Variants in FUT9 observed in about 807,000 individuals in gnomAD.
FUT9 encodes the protein fucosyltransferase 9.
In FUT9, 15 loss-of-function variants were observed where a neutral mutation model predicts 29.7. That is an observed-to-expected ratio of 0.51 (90% CI 0.34 to 0.78). The LOEUF is 0.78. Ranked by LOEUF, FUT9 falls within the 30% of genes least tolerant of loss-of-function variation. The pLI is 0.01. For missense variants in FUT9, 319 were observed against 425.4 expected (o/e 0.75, Z 2.20); for synonymous variants, 169 against 153.7 (o/e 1.10, Z -0.74).
chr6:96,204,227 T>C lies in FUT9; in HGVS notation c.1072T>C (p.Trp358Arg). ...TGTTGGTAATTTAGAGAAATGGTTTTGGAATTAAAATTTTTCATCACTTGC... is the reference window on the plus strand; with the variant it reads ...TGTTGGTAATTTAGAGAAATGGTTTCGGAATTAAAATTTTTCATCACTTGC... ...KSVGNLEKWF[W>R]N The change falls in exon 3 of 3, where the codon TGG becomes CGG. Residue 358 changes from tryptophan to arginine, a missense_variant. Trp to Arg is a moderately radical substitution (Grantham distance 101). Coordinates refer to ENST00000302103, the MANE Select transcript of FUT9 (RefSeq NM_006581.4). 1 of 1,443,860 alleles carries C rather than the reference T, an allele frequency of 6.9e-7. No individual in the cohort carries two copies. Among genetic ancestry groups the C allele is most frequent in the Non-Finnish European group, 9.1e-7 (1 of 1,095,216 alleles). The allele number at this position is 1,443,860 out of a possible 1,614,324, so 89.4% of individuals were successfully genotyped here.
In FUT9 at chr6:96,205,870, C is replaced by T. The variant is rs1296800666; in HGVS notation, c.*1635C>T. ...CCAGACTATCTTGTGAGAGAATAAG[C>T]TCACCCCAGCACCAGAAAGATTTGA... On this transcript the variant is annotated 3_prime_UTR_variant, in exon 3 of 3. Transcript: ENST00000302103. 6.0e-6 allele frequency: 1 copy of T among 166,894 alleles called. No homozygotes were observed. Among genetic ancestry groups the T allele is most frequent in the African/African-American group, 2.4e-5 (1 of 41,394 alleles). 10.3% of individuals were successfully genotyped at this position (166,894 alleles called of 1,614,324 possible).
At chr6:96,165,408 G>A (rs1228421582) in intron 2 of FUT9, among the ~76,000 whole-genome samples, 2 of 148,776 alleles carry the variant, frequency 1.3e-5, no homozygotes, top group Non-Finnish European at 3.0e-5. Context: ...TCCAGCCTGG[G>A]TGACAGAGCG....
At position 96,046,243 on chromosome 6, in the gene FUT9, A is replaced by ACACACC. The variant is rs1165068661; in HGVS notation, c.-98+30032_-98+30033insACACCC. ...TATGCACACACACACACACACACAC[A>ACACACC]CCCCTGAAGCAATCATTTTATGAAA... On this transcript the variant is annotated intron_variant, in intron 1 of 2. Transcript: ENST00000302103. 6.1e-5 allele frequency among the ~76,000 whole-genome samples: 9 copies of ACACACC among 148,504 alleles called. No individual in the cohort carries two copies. In the East Asian group the frequency reaches 8.0e-4, roughly 13 times the overall value.
rs948720329 is a variant in FUT9, at chr6:96,062,366, C to T, written c.-98+46154C>T. Among the ~76,000 whole-genome samples the T allele has an allele frequency of 9.2e-5, 14 of 151,818 alleles. 1 individual carries two copies. Among genetic ancestry groups the T allele is most frequent in the Admixed American group, 5.2e-4 (8 of 15,264 alleles). ...TAGCTGAGAGTCAACCAATGATATT[C>T]AAGTTGATAAACCAAGAAAATATCA... On this transcript the variant is annotated intron_variant, in intron 1 of 2. Coordinates refer to ENST00000302103, the MANE Select transcript of FUT9 (RefSeq NM_006581.4).
chr6:96,164,254 T>TC, intron 2 of FUT9, among the ~76,000 whole-genome samples: 1 of 2,320 alleles, frequency 4.3e-4, no homozygotes, highest in Non-Finnish European at 1.2e-3. Flanking sequence ...ATCCAGGTTC[T>TC]TTTTTTTTTT....
At chr6:96,067,076 A>G (rs1433495363) in intron 1 of FUT9, among the ~76,000 whole-genome samples, 1 of 151,710 alleles carries the variant, frequency 6.6e-6, no homozygotes, top group African/African-American at 2.4e-5. Flanking sequence ...ATATAGATCA[A>G]TAAGGCATGA....
At chr6:96,077,442 T>C (rs934560611) in intron 1 of FUT9, among the ~76,000 whole-genome samples, 12 of 152,196 alleles carry the variant, frequency 7.9e-5, no homozygotes, top group Non-Finnish European at 1.3e-4. Flanking sequence ...TGTTCCTATT[T>C]TTCCATAGTT....
chr6:96,102,314 C>T (rs1771601840), intron 1 of FUT9, among the ~76,000 whole-genome samples: 1 of 151,838 alleles, frequency 6.6e-6, no homozygotes, highest in Admixed American at 6.6e-5. Context: ...CATATAAATA[C>T]AGCACTAAAT....
intron 1 of FUT9, among the ~76,000 whole-genome samples, chr6:96,089,463 G>A (rs543301441): frequency 1.8e-4 from 27 of 152,258 alleles, no homozygotes; most frequent in South Asian, 4.1e-4. Flanking sequence ...CTCAAAGAAC[G>A]TGTGCTGCCA....
At chr6:96,034,633 A>T (rs894592144) in intron 1 of FUT9, among the ~76,000 whole-genome samples, 1 of 151,732 alleles carries the variant, frequency 6.6e-6, no homozygotes, top group African/African-American at 2.4e-5. Flanking sequence ...AAGCAACGGA[A>T]CAGAATGGTT....
intron 1 of FUT9, among the ~76,000 whole-genome samples, chr6:96,041,026 G>A (rs1179256806): frequency 1.3e-5 from 2 of 151,928 alleles, no homozygotes; most frequent in Non-Finnish European, 2.9e-5. Context: ...ATCATCAGCT[G>A]CCCCATCTCT....
At chr6:96,110,790 G>A (rs1197372878) in intron 1 of FUT9, among the ~76,000 whole-genome samples, 1 of 94,880 alleles carries the variant, frequency 1.1e-5, no homozygotes, top group Non-Finnish European at 2.4e-5. Flanking sequence ...TGAGTAGCTG[G>A]GACTACAGGT....
intron 1 of FUT9, among the ~76,000 whole-genome samples, chr6:96,102,874 A>G (rs1325395898): frequency 6.6e-6 from 1 of 152,172 alleles, no homozygotes; most frequent in East Asian, 1.9e-4. Flanking sequence ...CCTCTCATGC[A>G]TCATGCTACA....
chr6:96,094,601 A>G (rs113415187), intron 1 of FUT9, among the ~76,000 whole-genome samples: 1 of 152,114 alleles, frequency 6.6e-6, no homozygotes, highest in African/African-American at 2.4e-5. Flanking sequence ...TCAGGAATCC[A>G]TTGGGGTCTT....
rs1038556508 is a variant in FUT9 at position 96,163,130 on chromosome 6, C to T, written c.-8-40018C>T. On this transcript the variant is annotated intron_variant, in intron 2 of 2. Transcript: ENST00000302103. The stretch of plus-strand genomic sequence containing the variant: ...GACTGCATCCTTTACAAGTTTCTCA[C>T]TCTCATCCTAGTTCACAATCAGCTT... Among the ~76,000 whole-genome samples, 14 of 152,316 alleles carry T rather than the reference C, an allele frequency of 9.2e-5. 1 individual carries two copies. The highest frequency in any genetic ancestry group is 5.2e-4 in the Admixed American group (8 of 15,296).
At chr6:96,194,653 T>G (rs1253452193) in intron 2 of FUT9, among the ~76,000 whole-genome samples, 1 of 152,072 alleles carries the variant, frequency 6.6e-6, no homozygotes, top group African/African-American at 2.4e-5. Context: ...CATTCTCATT[T>G]ATAAAGTCCA....
intron 1 of FUT9, among the ~76,000 whole-genome samples, chr6:96,105,857 T>C (rs1040967445): frequency 2.6e-5 from 4 of 152,228 alleles, no homozygotes; most frequent in African/African-American, 7.2e-5. Context: ...CCCGTACCTA[T>C]TATCAGCATC....
chr6:96,035,624 AAATAT>A (rs2127929038), intron 1 of FUT9, among the ~76,000 whole-genome samples: 1 of 137,722 alleles, frequency 7.3e-6, no homozygotes, highest in African/African-American at 2.6e-5. Context: ...ATTATAATTA[AAATAT>A]AATAAAATAT....
chr6:96,163,551 C>A (rs1463987017), intron 2 of FUT9, among the ~76,000 whole-genome samples: 1 of 152,106 alleles, frequency 6.6e-6, no homozygotes, highest in Non-Finnish European at 1.5e-5. Context: ...AGGCAAACAC[C>A]AACCTGTAAC....
Sources: gnomAD v4.1 joint callset for allele counts (sites outside exome capture counted in the v4.1 genomes callset) on GRCh38, gnomAD v4.1.1 for gene constraint, MANE v1.5 for transcripts, NCBI Gene and HGNC (gene_info 2026-07-23, HGNC 2026-07-21) for gene names.